Variants in NAALADL2 observed in about 807,000 individuals in gnomAD.
The protein encoded by NAALADL2 is inactive N-acetylated-alpha-linked acidic dipeptidase-like protein 2.
A neutral mutation model predicts 87.2 loss-of-function variants in NAALADL2; 76 were observed. The observed-to-expected ratio is 0.87, with a 90% CI of 0.72 to 1.05. NAALADL2 has a LOEUF of 1.05. Ranked by LOEUF, NAALADL2 falls within the 50% of genes least tolerant of loss-of-function variation. The pLI is 0.00. For missense variants in NAALADL2, 1,089 were observed against 945.8 expected, an observed-to-expected ratio of 1.15 and a Z score of -1.99; for synonymous variants, 354 against 331.0, an observed-to-expected ratio of 1.07 and a Z score of -0.75.
At chr3:175,375,879 T>C (rs1767065856) in intron 5 of NAALADL2, among the ~76,000 whole-genome samples, 2 of 152,122 alleles carry the variant, frequency 1.3e-5, no homozygotes, top group Admixed American at 1.3e-4. Flanking sequence ...TTAGTGTTCA[T>C]TTTACCTCCT....
At position 175,773,207 on chromosome 3, in the gene NAALADL2, A is replaced by G. The variant is rs182559629; in HGVS notation, c.2189+17789A>G. Reference sequence around the variant, plus strand: ...AATAACATTTAACCTTCTCTTGTTGATTGAAGGTCAAGTTATATATTCTTT... The same window carrying G: ...AATAACATTTAACCTTCTCTTGTTGGTTGAAGGTCAAGTTATATATTCTTT... On this transcript the variant is annotated intron_variant, in intron 13 of 13. Coordinates refer to ENST00000454872, the MANE Select transcript of NAALADL2 (RefSeq NM_207015.3). The G allele has an allele frequency of 2.6e-5, 4 of 152,268 alleles. No individual in the cohort carries two copies. The East Asian group carries it at 7.7e-4, about 29-fold the overall frequency. The allele number at this position is 152,268 out of a possible 1,614,324, so 9.4% of individuals were successfully genotyped here.
intron 3 of NAALADL2, among the ~76,000 whole-genome samples, chr3:174,777,013 A>T (rs1039535910): frequency 6.6e-6 from 1 of 152,126 alleles, no homozygotes; most frequent in African/African-American, 2.4e-5. Context: ...GTAATTAACT[A>T]AGTTTATTGC....
intron 1 of NAALADL2, among the ~76,000 whole-genome samples, chr3:174,895,475 C>T (rs907400178): frequency 6.6e-6 from 1 of 151,996 alleles, no homozygotes; most frequent in Non-Finnish European, 1.5e-5. Flanking sequence ...CAAGATTGAA[C>T]TGGGAAGAAA....
intron 4 of NAALADL2, among the ~76,000 whole-genome samples, chr3:175,312,636 G>T (rs1180273350): frequency 2.0e-5 from 3 of 152,114 alleles, no homozygotes; most frequent in African/African-American, 7.2e-5. Flanking sequence ...AAGATTACGA[G>T]ACTTGAATTC....
chr3:175,302,064 G>A (rs62285157), intron 4 of NAALADL2, among the ~76,000 whole-genome samples: 21,549 of 152,072 alleles, frequency 0.14, 1,593 homozygotes, highest in East Asian at 0.18. Flanking sequence ...CAATCCTAAG[G>A]TAAGAAGGGA....
intron 2 of NAALADL2, among the ~76,000 whole-genome samples, chr3:175,156,258 A>G (rs577348360): frequency 6.6e-5 from 10 of 152,154 alleles, no homozygotes; most frequent in Non-Finnish European, 1.3e-4. Context: ...ATTTAAAATG[A>G]GACCAGAATG....
intron 1 of NAALADL2, among the ~76,000 whole-genome samples, chr3:175,064,187 T>C (rs1714102731): frequency 6.6e-6 from 1 of 151,478 alleles, no homozygotes; most frequent in Non-Finnish European, 1.5e-5. Context: ...GATGGTGGTA[T>C]TGTTGGTGTT....
At chr3:174,500,488 T>A (rs915927411) in intron 1 of NAALADL2, among the ~76,000 whole-genome samples, 3 of 152,112 alleles carry the variant, frequency 2.0e-5, no homozygotes, top group Admixed American at 6.5e-5. Flanking sequence ...TCCAGTGTAA[T>A]GTTATATCAA....
intron 3 of NAALADL2, among the ~76,000 whole-genome samples, chr3:174,758,983 G>T (rs962459650): frequency 6.6e-6 from 1 of 152,160 alleles, no homozygotes; most frequent in Non-Finnish European, 1.5e-5. Context: ...AGAAAAATGT[G>T]TATGTAAATA....
At chr3:175,106,140 C>T (rs547738785) in intron 2 of NAALADL2, among the ~76,000 whole-genome samples, 2 of 152,222 alleles carry the variant, frequency 1.3e-5, no homozygotes, top group African/African-American at 4.8e-5. Context: ...TGGTTACAAA[C>T]TGAGATTAGG....
At chr3:175,753,388 A>AT (rs1003873738) in intron 12 of NAALADL2, among the ~76,000 whole-genome samples, 7 of 151,648 alleles carry the variant, frequency 4.6e-5, no homozygotes, top group East Asian at 3.9e-4. Context: ...TTGTTATCAG[A>AT]TTTTTTTTTC....
chr3:175,803,509 T>C lies in NAALADL2; in HGVS notation c.*306T>C, dbSNP rs1754434417. The C allele has an allele frequency of 5.2e-6, 1 of 190,792 alleles. No individual in the cohort carries two copies. The highest frequency in any genetic ancestry group is 1.3e-4 in the East Asian group (1 of 7,480). 11.8% of individuals were successfully genotyped at this position (190,792 alleles called of 1,614,324 possible). On this transcript the variant is annotated 3_prime_UTR_variant, in exon 14 of 14. Transcript: ENST00000454872. ...ATTTTAAGGAAAAATTTCCAAGAAG[T>C]TCTGGACTATCTTTGTTCCTATGGG...
intron 3 of NAALADL2, among the ~76,000 whole-genome samples, chr3:174,838,144 C>T (rs538955505): frequency 2.4e-4 from 37 of 152,014 alleles, no homozygotes; most frequent in Non-Finnish European, 4.7e-4. Context: ...GATAATACAC[C>T]GTGATCAAGT....
At chr3:174,797,572 A>G (rs67558206) in intron 3 of NAALADL2, among the ~76,000 whole-genome samples, 37,188 of 151,486 alleles carry the variant, frequency 0.25, 4,913 homozygotes, top group African/African-American at 0.3. Flanking sequence ...TACCACTTCC[A>G]TGCTATCTCT....
chr3:175,357,978 A>G (rs1764576615), intron 5 of NAALADL2, among the ~76,000 whole-genome samples: 1 of 152,200 alleles, frequency 6.6e-6, no homozygotes, highest in African/African-American at 2.4e-5. Context: ...CCTAAGTTCA[A>G]ACTGGCCCTG....
intron 3 of NAALADL2, among the ~76,000 whole-genome samples, chr3:174,802,420 A>G (rs1261331385): frequency 6.6e-6 from 1 of 152,166 alleles, no homozygotes; most frequent in Non-Finnish European, 1.5e-5. Flanking sequence ...AAATTACCCT[A>G]CAAAATCTCT....
chr3:175,640,466 T>C (rs576183105), intron 11 of NAALADL2, among the ~76,000 whole-genome samples: 6 of 152,250 alleles, frequency 3.9e-5, no homozygotes, highest in African/African-American at 1.4e-4. Context: ...AATAATCCTA[T>C]GAAGAAAATA....
At chr3:175,534,375 G>A (rs1451779269) in intron 9 of NAALADL2, among the ~76,000 whole-genome samples, 1 of 152,152 alleles carries the variant, frequency 6.6e-6, no homozygotes, top group African/African-American at 2.4e-5. Flanking sequence ...AGCAAGGAAA[G>A]CCCATCCTAA....
chr3:175,074,831 T>C (rs1314228765), intron 1 of NAALADL2, among the ~76,000 whole-genome samples: 1 of 151,984 alleles, frequency 6.6e-6, no homozygotes, highest in East Asian at 1.9e-4. Flanking sequence ...ATGGTTGATA[T>C]ATTATTCTTT....
Sources: gnomAD v4.1 joint callset for allele counts (sites outside exome capture counted in the v4.1 genomes callset) on GRCh38, gnomAD v4.1.1 for gene constraint, MANE v1.5 for transcripts, NCBI Gene and HGNC (gene_info 2026-07-23, HGNC 2026-07-21) for gene names.